PPOX: variants seen among roughly 807,000 people sequenced by gnomAD.
PPOX encodes variegate porphyria.
Under a neutral mutation model 54.1 loss-of-function variants are expected in PPOX, and 23 were observed. That is an observed-to-expected ratio of 0.43 (90% CI 0.31 to 0.60). The LOEUF (loss-of-function observed/expected upper bound fraction) is 0.60. PPOX is among the 20% of genes least tolerant of loss of function. The pLI, the probability that PPOX is intolerant of heterozygous loss-of-function variation, is 0.13. For synonymous variants in PPOX, 224 were observed against 236.1 expected (o/e 0.95, Z 0.47); for missense variants, 512 against 601.1 (o/e 0.85, Z 1.55).
At chr1:161,173,455 G>T (rs575517220), downstream of PPOX, 10 of 1,165,708 alleles carry the variant, frequency 8.6e-6, no homozygotes, top group South Asian at 1.3e-4. Flanking sequence ...AGCCTGACCT[G>T]GGTATCCTAA....
chr1:161,175,627 C>G (rs945619604), downstream of PPOX, among the ~76,000 whole-genome samples: 2 of 152,066 alleles, frequency 1.3e-5, no homozygotes, highest in African/African-American at 4.8e-5. Context: ...TCTAAACTCC[C>G]AATTCAGAGT....
chr1:161,176,808 G>A, intron 4 of PPOX: 1 of 1,508,654 alleles, frequency 6.6e-7, no homozygotes, highest in East Asian at 2.5e-5. Flanking sequence ...AGATTGGGGA[G>A]TGGGGACAGG....
chr1:161,174,271 G>C (rs1662620008), downstream of PPOX, among the ~76,000 whole-genome samples: 1 of 152,092 alleles, frequency 6.6e-6, no homozygotes, highest in Admixed American at 6.5e-5. Flanking sequence ...GCTGGGCATG[G>C]TGGTACACGC....
intron 5 of PPOX, 101 bp downstream of exon 5, chr1:161,168,228 G>A: frequency 1.3e-6 from 2 of 1,589,066 alleles, no homozygotes; most frequent in Non-Finnish European, 1.7e-6. Flanking sequence ...ATCATTTGGG[G>A]ATGCCCTCTT....
chr1:161,171,671 G>T, downstream of PPOX: 2 of 1,173,388 alleles, frequency 1.7e-6, no homozygotes, highest in Non-Finnish European at 2.4e-6. Context: ...CTCCAGTCCA[G>T]CAGTGAGGGA....
intron 4 of PPOX, 137 bp from the exon 5 acceptor site, chr1:161,167,858 C>G (rs1659680499): frequency 1.4e-6 from 2 of 1,418,466 alleles, no homozygotes; most frequent in South Asian, 2.4e-5. Flanking sequence ...CCACCACGCC[C>G]GACCTGCCTT....
downstream of PPOX, chr1:161,173,910 TCA>T: frequency 6.2e-7 from 1 of 1,613,982 alleles, no homozygotes; most frequent in Non-Finnish European, 8.5e-7. Context: ...TCCCCGGGGG[TCA>T]CACACATACA....
At chr1:161,166,241 G>A, upstream of PPOX, 1 of 965,552 alleles carries the variant, frequency 1.0e-6, no homozygotes, top group African/African-American at 1.8e-5. Context: ...GAGGAGGGCA[G>A]TGACGGGTAC....
downstream of PPOX, chr1:161,174,932 G>C (rs1378535980): frequency 1.3e-6 from 2 of 1,522,580 alleles, no homozygotes; most frequent in Non-Finnish European, 1.8e-6. Flanking sequence ...AAGTGAAGTG[G>C]CATGTGCTTG....
upstream of PPOX, chr1:161,166,073 G>C: frequency 1.0e-6 from 1 of 984,742 alleles, no homozygotes; most frequent in South Asian, 4.7e-5. Flanking sequence ...TGTTTATGGA[G>C]CCGCCTCCCC....
At chr1:161,166,067 T>C (rs925442962), upstream of PPOX, 3 of 983,964 alleles carry the variant, frequency 3.0e-6, no homozygotes, top group Non-Finnish European at 3.6e-6. Context: ...AGGAGCTGTT[T>C]ATGGAGCCGC....
chr1:161,175,630 T>A (rs1663213321), downstream of PPOX, among the ~76,000 whole-genome samples: 3 of 152,046 alleles, frequency 2.0e-5, no homozygotes, highest in African/African-American at 7.2e-5. Flanking sequence ...AAACTCCCAA[T>A]TCAGAGTCTA....
intron 4 of PPOX, chr1:161,176,781 C>T: frequency 2.2e-6 from 3 of 1,390,934 alleles, no homozygotes; most frequent in Admixed American, 4.0e-5. Flanking sequence ...ACCCCCGTAC[C>T]CCCACCCCAA....
downstream of PPOX, among the ~76,000 whole-genome samples, chr1:161,172,939 C>T (rs1409275621): frequency 6.7e-6 from 1 of 150,080 alleles, no homozygotes; most frequent in East Asian, 2.0e-4. Context: ...TTAAAAGAAA[C>T]AAACTCCACT....
chr1:161,167,810 G>A (rs914035483), intron 4 of PPOX, 185 bp from the exon 5 acceptor site: 11 of 944,568 alleles, frequency 1.2e-5, no homozygotes, highest in African/African-American at 4.9e-5. Flanking sequence ...TGATCCGCCC[G>A]CCTCGGCCTG....
chr1:161,173,718 G>T, downstream of PPOX: 7 of 1,614,154 alleles, frequency 4.3e-6, no homozygotes, highest in Non-Finnish European at 5.9e-6. Context: ...AGTACTGGGG[G>T]TACGGGAGGC....
chr1:161,173,800 T>A (rs1018733643), downstream of PPOX: 1 of 1,610,016 alleles, frequency 6.2e-7, no homozygotes, highest in African/African-American at 1.3e-5. Context: ...CGCTTGGCTC[T>A]CCTCCTTCCA....
rs1289649893 is a variant in PPOX, at chr1:161,170,644, C to T, written c.1123C>T (p.Gln375Ter). The stretch of plus-strand genomic sequence containing the variant: ...GGTGATGCTGGGAGGTTCCTGGTTA[C>T]AGACACTGGAGGCTAGTGGCTGTGT... ...VTVMLGGSWL[Q>*]TLEASGCVLS... Residue 375 changes from glutamine to a stop codon, truncating the protein, a stop_gained, in exon 11 of 13, where the codon CAG becomes TAG. Transcript: ENST00000367999. LOFTEE classifies it high-confidence loss of function. 1.9e-6 allele frequency: 3 copies of T among 1,614,072 alleles called. No homozygotes were observed. The highest frequency in any genetic ancestry group is 2.5e-6 in the Non-Finnish European group (3 of 1,180,054).
chr1:161,171,186 C>T lies in PPOX; in HGVS notation c.*10C>T. ...AGAACCTAACAGCTGATCCCCAACT[C>T]TCATTCATGAAAATAAAAATTGCTG... On this transcript the variant is annotated 3_prime_UTR_variant, in exon 13 of 13. Coordinates refer to ENST00000367999, the MANE Select transcript of PPOX (RefSeq NM_001122764.3). 6.2e-7 allele frequency: 1 copy of T among 1,613,102 alleles called. No individual in the cohort carries two copies. The highest frequency in any genetic ancestry group is 2.2e-5 in the East Asian group (1 of 44,886).
Sources: gnomAD v4.1 joint callset for allele counts (sites outside exome capture counted in the v4.1 genomes callset) on GRCh38, gnomAD v4.1.1 for gene constraint, MANE v1.5 for transcripts, NCBI Gene and HGNC (gene_info 2026-07-23, HGNC 2026-07-21) for gene names.